ELOVL6: variants seen among roughly 807,000 people sequenced by gnomAD.
ELOVL6 encodes very long chain fatty acid elongase 6.
A neutral mutation model predicts 31.7 loss-of-function variants in ELOVL6; 8 were observed. The observed-to-expected ratio is 0.25, with a 90% confidence interval of 0.15 to 0.45. The LOEUF is 0.45. Ranked by LOEUF, ELOVL6 falls within the 20% of genes least tolerant of loss-of-function variation. The pLI, the probability that ELOVL6 is intolerant of heterozygous loss-of-function variation, is 1.00. For synonymous variants in ELOVL6, 101 were observed against 117.7 expected (o/e 0.86, Z 0.92); for missense variants, 126 against 326.4 (o/e 0.39, Z 4.73).
rs116463049 is a variant in ELOVL6, at chr4:110,197,849, C to G, written c.89+398G>C. ...CCTCCCTCCACTGCCTTTCACACTC[C>G]GGTTGCGGGAGAGGCCAAGCGAGAA... On this transcript the variant is annotated intron_variant, in intron 1 of 3. Coordinates refer to ENST00000302274, the MANE Select transcript of ELOVL6 (RefSeq NM_024090.3). The G allele has an allele frequency of 6.1e-3, 1,484 of 241,518 alleles. 24 individuals are homozygous for G. Among genetic ancestry groups the G allele is most frequent in the African/African-American group, 0.032 (1,394 of 43,370 alleles). The allele number at this position is 241,518 out of a possible 1,614,324, so 15.0% of individuals were successfully genotyped here.
chr4:110,084,012 G>GATATATATGATATA lies in ELOVL6; in HGVS notation c.221+21484_221+21485insTATATCATATATAT, dbSNP rs1560813510. Among the ~76,000 whole-genome samples, 33 of 10,876 alleles carry GATATATATGATATA rather than the reference G, an allele frequency of 3.0e-3. 1 individual carries two copies. Among genetic ancestry groups the GATATATATGATATA allele is most frequent in the South Asian group, 0.023 (8 of 354 alleles). The allele number at this position is 10,876 out of a possible 152,430, so 7.1% of individuals were successfully genotyped here. A position where few individuals can be genotyped will look rare whatever the true frequency, so the allele number is the denominator to read the frequency against. On this transcript the variant is annotated intron_variant, in intron 2 of 3. Coordinates refer to ENST00000302274, the MANE Select transcript of ELOVL6 (RefSeq NM_024090.3). ...CGATATATAACATATGCCATATATG[G>GATATATATGATATA]TATATAACATATGCCATATATGGTA... is the stretch of plus-strand genomic sequence containing the variant.
intron 2 of ELOVL6, among the ~76,000 whole-genome samples, chr4:110,090,557 C>A (rs1385004297): frequency 6.8e-6 from 1 of 147,570 alleles, no homozygotes; most frequent in Non-Finnish European, 1.5e-5. Context: ...ATTAGGGCCA[C>A]AAGAGGTAGG....
intron 2 of ELOVL6, among the ~76,000 whole-genome samples, chr4:110,069,591 T>A (rs998072434): frequency 2.6e-5 from 4 of 152,166 alleles, no homozygotes; most frequent in Non-Finnish European, 5.9e-5. Flanking sequence ...GGCACCATTA[T>A]CCCTGTTTTA....
At chr4:110,124,063 G>T (rs1757425368) in intron 1 of ELOVL6, among the ~76,000 whole-genome samples, 1 of 152,138 alleles carries the variant, frequency 6.6e-6, no homozygotes, top group African/African-American at 2.4e-5. Flanking sequence ...AGACAGATTA[G>T]AAGGTACCAC....
chr4:110,176,971 G>C (rs1486557796), intron 1 of ELOVL6, among the ~76,000 whole-genome samples: 3 of 152,224 alleles, frequency 2.0e-5, no homozygotes, highest in Non-Finnish European at 4.4e-5. Context: ...CTGACCTCAG[G>C]TGGTCTGCCT....
chr4:110,136,795 A>T (rs906107420), intron 1 of ELOVL6, among the ~76,000 whole-genome samples: 6 of 152,216 alleles, frequency 3.9e-5, no homozygotes, highest in African/African-American at 1.4e-4. Context: ...TCTAATCAAT[A>T]ACCATACTAT....
rs532198301 is a variant in ELOVL6, at chr4:110,084,433, C to G, written c.221+21064G>C. Among the ~76,000 whole-genome samples the G allele has an allele frequency of 1.4e-4, 13 of 93,336 alleles. 1 individual carries two copies. The highest frequency in any genetic ancestry group is 1.3e-3 in the East Asian group (4 of 3,020). 61.2% of individuals were successfully genotyped at this position (93,336 alleles called of 152,430 possible). On this transcript the variant is annotated intron_variant, in intron 2 of 3. Coordinates refer to ENST00000302274, the MANE Select transcript of ELOVL6 (RefSeq NM_024090.3). Reference sequence around the variant, plus strand: ...GACATACATGATATATCACATATATCATATATGATATATCGCATATATCAT... The same window carrying G: ...GACATACATGATATATCACATATATGATATATGATATATCGCATATATCAT...
chr4:110,149,858 ATAAT>A (rs1157261898), intron 1 of ELOVL6, among the ~76,000 whole-genome samples: 2 of 152,194 alleles, frequency 1.3e-5, no homozygotes, highest in Non-Finnish European at 2.9e-5. Flanking sequence ...CACCCCAAAA[ATAAT>A]TAATAAATGT....
In ELOVL6 at chr4:110,152,513, T is replaced by G. The variant is rs187295659; in HGVS notation, c.89+45734A>C. On this transcript the variant is annotated intron_variant, in intron 1 of 3. Coordinates refer to ENST00000302274, the MANE Select transcript of ELOVL6 (RefSeq NM_024090.3). Reference sequence around the variant, plus strand: ...AGAATTTATTCCGTGAAAATACAGATAGTGCCACGCCCGGCCTTTCTGCCA... The same window carrying G: ...AGAATTTATTCCGTGAAAATACAGAGAGTGCCACGCCCGGCCTTTCTGCCA... Among the ~76,000 whole-genome samples, 3 of 152,358 alleles carry G rather than the reference T, an allele frequency of 2.0e-5. No homozygotes were observed. The East Asian group carries it at 5.8e-4, about 29-fold the overall frequency.
chr4:110,144,474 A>G (rs1264671933), intron 1 of ELOVL6, among the ~76,000 whole-genome samples: 1 of 152,204 alleles, frequency 6.6e-6, no homozygotes, highest in African/African-American at 2.4e-5. Context: ...GATGATGAAT[A>G]TGAACATTTT....
chr4:110,084,586 ATATTTT>A (rs1289670228), intron 2 of ELOVL6, among the ~76,000 whole-genome samples: 16 of 39,592 alleles, frequency 4.0e-4, no homozygotes, highest in African/African-American at 2.6e-3. Context: ...ATATATATAT[ATATTTT>A]TTTTTTTTTT....
chr4:110,189,849 C>G (rs1314705420), intron 1 of ELOVL6, among the ~76,000 whole-genome samples: 2 of 151,728 alleles, frequency 1.3e-5, no homozygotes, highest in African/African-American at 2.4e-5. Flanking sequence ...CGCCTGTAGT[C>G]CCAGCTACTC....
rs2048928798 is a variant in ELOVL6, at chr4:110,084,227, T to TATATAACATATAACTTATATG, written c.221+21269_221+21270insCATATAAGTTATATGTTATAT. On this transcript the variant is annotated intron_variant, in intron 2 of 3. Coordinates refer to ENST00000302274, the MANE Select transcript of ELOVL6 (RefSeq NM_024090.3). Reference sequence around the variant, plus strand: ...TATATATAACATATAACTTATATGATATATATAACATATATGATATATATA... The same window carrying TATATAACATATAACTTATATG: ...TATATATAACATATAACTTATATGATATATAACATATAACTTATATGATATATAACATATATGATATATATA... Among the ~76,000 whole-genome samples, 7 of 100,058 alleles carry TATATAACATATAACTTATATG rather than the reference T, an allele frequency of 7.0e-5. 1 individual carries two copies. The highest frequency in any genetic ancestry group is 7.3e-4 in the East Asian group (2 of 2,756). 65.6% of individuals were successfully genotyped at this position (100,058 alleles called of 152,430 possible). A position where few individuals can be genotyped will look rare whatever the true frequency, so the allele number is the denominator to read the frequency against.
At chr4:110,079,387 T>A (rs538633880) in intron 2 of ELOVL6, among the ~76,000 whole-genome samples, 1 of 150,976 alleles carries the variant, frequency 6.6e-6, no homozygotes, top group East Asian at 1.9e-4. Flanking sequence ...TATAACAAAC[T>A]GTCTCTCAGA....
intron 1 of ELOVL6, among the ~76,000 whole-genome samples, chr4:110,120,446 G>C (rs1757311786): frequency 6.6e-6 from 1 of 151,862 alleles, no homozygotes; most frequent in African/African-American, 2.4e-5. Context: ...AGATGTCTGA[G>C]TGTGATAACA....
intron 1 of ELOVL6, among the ~76,000 whole-genome samples, chr4:110,172,227 G>A (rs1758970471): frequency 6.6e-6 from 1 of 152,104 alleles, no homozygotes; most frequent in African/African-American, 2.4e-5. Context: ...AAATTGAACT[G>A]GAGGACACCC....
At chr4:110,161,480 C>T (rs1758630071) in intron 1 of ELOVL6, among the ~76,000 whole-genome samples, 1 of 152,150 alleles carries the variant, frequency 6.6e-6, no homozygotes. Flanking sequence ...ACCTGCACAT[C>T]CCCAGCTGAG....
rs1184682018 is a variant in ELOVL6, at chr4:110,158,657, A to ATTTTTTTTTTT, written c.89+39579_89+39589dup. On this transcript the variant is annotated intron_variant, in intron 1 of 3. Coordinates refer to ENST00000302274, the MANE Select transcript of ELOVL6 (RefSeq NM_024090.3). ...CGTGTATATATATATATATATATAT[A>ATTTTTTTTTTT]TTTTTTTTTTTTTTTTTTTTGAGAC... Among the ~76,000 whole-genome samples, 185 of 74,150 alleles carry ATTTTTTTTTTT rather than the reference A, an allele frequency of 2.5e-3. 4 individuals carry two copies. Among genetic ancestry groups the ATTTTTTTTTTT allele is most frequent in the Non-Finnish European group, 3.6e-3 (158 of 43,336 alleles). The allele number at this position is 74,150 out of a possible 152,430, so 48.6% of individuals were successfully genotyped here. A position where few individuals can be genotyped will look rare whatever the true frequency, so the allele number is the denominator to read the frequency against.
chr4:110,085,247 A>G (rs565031137), intron 2 of ELOVL6, among the ~76,000 whole-genome samples: 98 of 152,210 alleles, frequency 6.4e-4, no homozygotes, highest in Non-Finnish European at 8.5e-4. Context: ...GAGGGATGAG[A>G]GGCTGCTTCT....
Sources: allele counts gnomAD v4.1 joint callset (sites outside exome capture counted in the v4.1 genomes callset), GRCh38; gene constraint gnomAD v4.1.1; transcripts MANE v1.5; gene names NCBI Gene and HGNC (gene_info 2026-07-23, HGNC 2026-07-21).